The following KIF2A variants were observed in gnomAD, a reference collection of about 807,000 sequenced individuals.
The protein encoded by KIF2A is kinesin-like protein KIF2A.
A neutral mutation model predicts 100.2 loss-of-function variants in KIF2A; 22 were observed. That is an observed-to-expected ratio of 0.22 (90% CI 0.16 to 0.31). The LOEUF is 0.31. KIF2A is among the 10% of genes least tolerant of loss of function. The probability of loss-of-function intolerance (pLI) is 1.00; values close to 1 mark genes in which losing one functional copy is unlikely to be tolerated. For synonymous variants in KIF2A, 268 were observed against 285.9 expected, an observed-to-expected ratio of 0.94 and a Z score of 0.63; for missense variants, 495 against 898.7, an observed-to-expected ratio of 0.55 and a Z score of 5.74.
chr5:62,362,760 A>C (rs1748471753), intron 12 of KIF2A, among the ~76,000 whole-genome samples: 1 of 152,162 alleles, frequency 6.6e-6, no homozygotes, highest in Non-Finnish European at 1.5e-5. Flanking sequence ...CAGTGTTGAG[A>C]ATTCTTATTC....
Position 62,323,092 on chromosome 5 carries a change from G to A in KIF2A, c.64+16556G>A, listed in dbSNP as rs568465350. 3.7e-4 allele frequency among the ~76,000 whole-genome samples: 56 copies of A among 151,506 alleles called. 1 individual carries two copies. The highest frequency in any genetic ancestry group is 1.3e-3 in the African/African-American group (52 of 41,396). On this transcript the variant is annotated intron_variant, in intron 1 of 20. Coordinates refer to ENST00000407818, the MANE Select transcript of KIF2A (RefSeq NM_001098511.3). ...ACCAACATGGAGAAACCTCATCTCT[G>A]CTAAAAATTCAAAATTAGCCAGGCA...
intron 1 of KIF2A, among the ~76,000 whole-genome samples, chr5:62,340,305 C>A (rs909798666): frequency 3.9e-5 from 6 of 152,170 alleles, no homozygotes; most frequent in Non-Finnish European, 8.8e-5. Context: ...GTGGTAGTTA[C>A]ACAGGCATTT....
At chr5:62,352,558 G>GAATTT in intron 4 of KIF2A, 30 bp from the exon 5 acceptor site, 1 of 1,493,616 alleles carries the variant, frequency 6.7e-7, no homozygotes. Flanking sequence ...TTTCTATCCT[G>GAATTT]AATTTAAAAT....
Position 62,308,441 on chromosome 5 carries a change from C to CA in KIF2A, c.64+1906dup, listed in dbSNP as rs1359996551. 13 of 1,003,332 alleles carry CA rather than the reference C, an allele frequency of 1.3e-5. No individual in the cohort carries two copies. In the Admixed American group the frequency reaches 2.6e-4, roughly 20 times the overall value. The allele number at this position is 1,003,332 out of a possible 1,614,324, so 62.2% of individuals were successfully genotyped here. A position where few individuals can be genotyped will look rare whatever the true frequency, so the allele number is the denominator to read the frequency against. ...AATCACCACCTTGTGAAGATATCTG[C>CA]ACTCTCGCGTTCATTGCAGCATTAT... On this transcript the variant is annotated intron_variant, in intron 1 of 20. Transcript: ENST00000407818.
chr5:62,363,646 T>A (rs779595702), intron 13 of KIF2A, 49 bp from the exon 14 acceptor site: 1 of 1,484,674 alleles, frequency 6.7e-7, no homozygotes, highest in Admixed American at 1.8e-5. Flanking sequence ...GGTTTGAACA[T>A]GTAAATTGAA....
chr5:62,325,126 T>C (rs1363717242), intron 1 of KIF2A, among the ~76,000 whole-genome samples: 1 of 152,126 alleles, frequency 6.6e-6, no homozygotes, highest in Non-Finnish European at 1.5e-5. Context: ...TTTTCTTTTC[T>C]TTTCTTTTCT....
At chr5:62,322,934 TA>T (rs200112197) in intron 1 of KIF2A, among the ~76,000 whole-genome samples, 11 of 97,998 alleles carry the variant, frequency 1.1e-4, no homozygotes, top group East Asian at 5.2e-4. Context: ...TTCAATTTAG[TA>T]AAAAAAAAAA....
At chr5:62,346,967 G>A (rs1747600951) in intron 1 of KIF2A, among the ~76,000 whole-genome samples, 163 bp from the exon 2 acceptor site, 1 of 151,992 alleles carries the variant, frequency 6.6e-6, no homozygotes, top group Admixed American at 6.6e-5. Flanking sequence ...ATGGCCCCGT[G>A]GACAAAGTTC....
intron 20 of KIF2A, among the ~76,000 whole-genome samples, chr5:62,383,600 G>A (rs1378486650): frequency 1.3e-5 from 2 of 152,160 alleles, no homozygotes; most frequent in Admixed American, 1.3e-4. Flanking sequence ...GACTGGTTAT[G>A]AAGTTGGTTA....
intron 1 of KIF2A, among the ~76,000 whole-genome samples, chr5:62,317,009 T>A (rs1745847949): frequency 6.6e-6 from 1 of 151,948 alleles, no homozygotes; most frequent in Non-Finnish European, 1.5e-5. Flanking sequence ...CAATGAGCTA[T>A]AGTATAGTAA....
chr5:62,345,546 C>T (rs1580053275), intron 1 of KIF2A, among the ~76,000 whole-genome samples: 4 of 151,940 alleles, frequency 2.6e-5, no homozygotes, highest in Admixed American at 2.6e-4. Context: ...ACCTGTAATC[C>T]CAGCATTTCA....
intron 16 of KIF2A, among the ~76,000 whole-genome samples, chr5:62,370,479 T>C (rs1482525233): frequency 6.6e-6 from 1 of 151,948 alleles, no homozygotes. Context: ...TATTTTTTAG[T>C]AGAGATGGAG....
At chr5:62,365,594 TTTTCTC>T (rs1043052267) in intron 15 of KIF2A, among the ~76,000 whole-genome samples, 31 of 151,966 alleles carry the variant, frequency 2.0e-4, no homozygotes, top group Non-Finnish European at 2.1e-4. Context: ...TTCTTTTTCT[TTTTCTC>T]TTTCTCTTTC....
At chr5:62,327,910 G>C (rs144013947) in intron 1 of KIF2A, among the ~76,000 whole-genome samples, 2 of 152,286 alleles carry the variant, frequency 1.3e-5, no homozygotes, top group South Asian at 2.1e-4. Context: ...TCCCTGTCTC[G>C]TTAGGATGTA....
At chr5:62,348,294 A>G in intron 3 of KIF2A, 127 bp downstream of exon 3, 10 of 867,916 alleles carry the variant, frequency 1.2e-5, no homozygotes, top group South Asian at 3.6e-5. Context: ...TTTTTCTGCC[A>G]TCATATTCAT....
At position 62,338,682 on chromosome 5, in the gene KIF2A, C is replaced by A. The variant is rs1292671741; in HGVS notation, c.65-8448C>A. Reference sequence around the variant, plus strand: ...CATACCAAAAAACAACAAAAAAAATCCATAATGGAAAAACATACATTTGAC... The same window carrying A: ...CATACCAAAAAACAACAAAAAAAATACATAATGGAAAAACATACATTTGAC... On this transcript the variant is annotated intron_variant, in intron 1 of 20. Transcript: ENST00000407818. 3.3e-5 allele frequency among the ~76,000 whole-genome samples: 5 copies of A among 151,952 alleles called. 1 individual carries two copies.
Position 62,332,624 on chromosome 5 carries a change from G to A in KIF2A, c.65-14506G>A, listed in dbSNP as rs546397644. ...GGGGTGAACATTATTTTTATGTTAA[G>A]TTGGACCATATGAAATTGTCATTTT... On this transcript the variant is annotated intron_variant, in intron 1 of 20. Transcript: ENST00000407818. Among the ~76,000 whole-genome samples the A allele has an allele frequency of 3.3e-5, 5 of 152,168 alleles. No homozygotes were observed. The East Asian group carries it at 5.8e-4, about 18-fold the overall frequency.
intron 1 of KIF2A, among the ~76,000 whole-genome samples, chr5:62,317,464 C>T (rs115909564): frequency 0.012 from 1,802 of 152,198 alleles, 23 homozygotes; most frequent in Non-Finnish European, 0.014. Flanking sequence ...CAAAACTTGC[C>T]TATATTGTTA....
intron 4 of KIF2A, among the ~76,000 whole-genome samples, chr5:62,351,065 C>T (rs1412293616): frequency 1.3e-5 from 2 of 151,646 alleles, no homozygotes; most frequent in Non-Finnish European, 2.9e-5. Flanking sequence ...AACTCCATCT[C>T]TACTAAAAAT....
Sources: gnomAD v4.1 joint callset for allele counts (sites outside exome capture counted in the v4.1 genomes callset) on GRCh38, gnomAD v4.1.1 for gene constraint, MANE v1.5 for transcripts, NCBI Gene and HGNC (gene_info 2026-07-23, HGNC 2026-07-21) for gene names.